Variants in C8orf34 observed in about 807,000 individuals in gnomAD.
C8orf34 encodes uncharacterized protein C8orf34.
Under a neutral mutation model 68.3 loss-of-function variants are expected in C8orf34, and 65 were observed. The observed-to-expected ratio is 0.95, with a 90% CI of 0.78 to 1.17. C8orf34 has a LOEUF of 1.17. Among genes scored for constraint, C8orf34 ranks in the 50% most tolerant of loss-of-function variants. The pLI, the probability that C8orf34 is intolerant of heterozygous loss-of-function variation, is 0.00. For missense variants in C8orf34, 664 were observed against 655.4 expected, an observed-to-expected ratio of 1.01 and a Z score of -0.14; for synonymous variants, 244 against 241.2, an observed-to-expected ratio of 1.01 and a Z score of -0.11.
chr8:68,424,639 A>G (rs1452268919), intron 1 of C8orf34, among the ~76,000 whole-genome samples: 1 of 152,144 alleles, frequency 6.6e-6, no homozygotes, highest in South Asian at 2.1e-4. Context: ...AAAAAGAGCC[A>G]CCTGTAATCC....
chr8:68,809,560 T>C (rs1824585341), intron 12 of C8orf34, among the ~76,000 whole-genome samples: 1 of 150,876 alleles, frequency 6.6e-6, no homozygotes, highest in Admixed American at 6.6e-5. Context: ...AGCCCAGGAG[T>C]TGGAGTCCAG....
chr8:68,582,779 A>G (rs1817103243), intron 7 of C8orf34, among the ~76,000 whole-genome samples: 2 of 152,158 alleles, frequency 1.3e-5, no homozygotes, highest in Admixed American at 6.6e-5. Flanking sequence ...AAAAACAAAC[A>G]GAAGTTGATT....
intron 1 of C8orf34, among the ~76,000 whole-genome samples, chr8:68,428,253 T>C (rs1024161596): frequency 6.6e-6 from 1 of 151,978 alleles, no homozygotes; most frequent in African/African-American, 2.4e-5. Flanking sequence ...TGATCCCAGA[T>C]GGATGGTTGG....
At chr8:68,362,011 A>T (rs1807022711) in intron 1 of C8orf34, among the ~76,000 whole-genome samples, 1 of 152,218 alleles carries the variant, frequency 6.6e-6, no homozygotes, top group Non-Finnish European at 1.5e-5. Context: ...AGCCAAACTG[A>T]TTTGGATTTT....
At chr8:68,772,701 C>T (rs1372689118) in intron 10 of C8orf34, among the ~76,000 whole-genome samples, 4 of 143,682 alleles carry the variant, frequency 2.8e-5, no homozygotes, top group Non-Finnish European at 4.6e-5. Context: ...CTCCCTCCCT[C>T]CCTCTCTTTC....
intron 7 of C8orf34, among the ~76,000 whole-genome samples, chr8:68,587,086 T>C (rs77143047): frequency 0.046 from 6,999 of 152,150 alleles, 534 homozygotes; most frequent in African/African-American, 0.16. Context: ...ACAGGAAAGC[T>C]TAGTGATTAA....
At chr8:68,560,525 C>T (rs1263515506) in intron 7 of C8orf34, among the ~76,000 whole-genome samples, 4 of 152,182 alleles carry the variant, frequency 2.6e-5, no homozygotes, top group East Asian at 1.9e-4. Flanking sequence ...TTTGTGTGAA[C>T]ATCATAGAGT....
At chr8:68,591,900 G>A (rs569646903) in intron 7 of C8orf34, among the ~76,000 whole-genome samples, 29 of 152,166 alleles carry the variant, frequency 1.9e-4, no homozygotes, top group African/African-American at 4.1e-4. Context: ...CATGAACTCC[G>A]CTGTCTTTCA....
chr8:68,739,456 A>G (rs1348073100), intron 10 of C8orf34, among the ~76,000 whole-genome samples: 4 of 152,056 alleles, frequency 2.6e-5, no homozygotes, highest in Non-Finnish European at 5.9e-5. Context: ...AAGTCAAGGC[A>G]AGAGCCCAAT....
At chr8:68,451,315 C>T (rs1234994550) in intron 3 of C8orf34, among the ~76,000 whole-genome samples, 5 of 152,088 alleles carry the variant, frequency 3.3e-5, no homozygotes, top group Non-Finnish European at 4.4e-5. Context: ...TCTTATCATT[C>T]GTGTGTTTAC....
chr8:68,364,631 G>T (rs1176851345), intron 1 of C8orf34, among the ~76,000 whole-genome samples: 3 of 108,814 alleles, frequency 2.8e-5, no homozygotes, highest in Non-Finnish European at 3.7e-5. Context: ...TGAACAACCT[G>T]CTCCTGAATG....
intron 1 of C8orf34, among the ~76,000 whole-genome samples, chr8:68,382,986 C>T (rs1808107892): frequency 6.6e-6 from 1 of 152,192 alleles, no homozygotes; most frequent in Admixed American, 6.5e-5. Context: ...GAAAGCTCCA[C>T]TCTCATGATC....
At chr8:68,521,291 A>G (rs2129672364) in intron 5 of C8orf34, among the ~76,000 whole-genome samples, 1 of 152,326 alleles carries the variant, frequency 6.6e-6, no homozygotes, top group East Asian at 1.9e-4. Flanking sequence ...TTAGCATAAC[A>G]TATCTGCCAT....
chr8:68,685,101 A>G (rs543905449), intron 8 of C8orf34, among the ~76,000 whole-genome samples: 100 of 152,174 alleles, frequency 6.6e-4, no homozygotes, highest in African/African-American at 2.3e-3. Flanking sequence ...CTTTCATACT[A>G]AGGTATGTTT....
intron 3 of C8orf34, among the ~76,000 whole-genome samples, chr8:68,456,123 G>T (rs1006961552): frequency 3.3e-5 from 5 of 151,566 alleles, no homozygotes; most frequent in African/African-American, 1.2e-4. Flanking sequence ...GGGCGTGGTG[G>T]TGGGTGCCTG....
intron 1 of C8orf34, among the ~76,000 whole-genome samples, chr8:68,419,981 T>TAAAAAAA (rs201937815): frequency 1.4e-5 from 1 of 68,966 alleles, no homozygotes; most frequent in African/African-American, 5.2e-5. Flanking sequence ...AGTATAATAA[T>TAAAAAAA]AAAAAAAAAA....
At chr8:68,725,132 G>C (rs1821792386) in intron 10 of C8orf34, among the ~76,000 whole-genome samples, 1 of 152,122 alleles carries the variant, frequency 6.6e-6, no homozygotes, top group African/African-American at 2.4e-5. Flanking sequence ...CACCTAAAAT[G>C]CTGGGATTAC....
intron 8 of C8orf34, among the ~76,000 whole-genome samples, chr8:68,673,216 G>C (rs1289101336): frequency 1.3e-5 from 2 of 152,136 alleles, no homozygotes; most frequent in Non-Finnish European, 2.9e-5. Context: ...GGTGCTATGG[G>C]AGGGACTTCT....
intron 7 of C8orf34, among the ~76,000 whole-genome samples, chr8:68,582,725 AC>A (rs1464631259): frequency 1.3e-5 from 2 of 151,848 alleles, no homozygotes; most frequent in African/African-American, 4.8e-5. Context: ...ACATTTCTAA[AC>A]TCTCTGCTGG....
Sources: allele counts gnomAD v4.1 joint callset (sites outside exome capture counted in the v4.1 genomes callset), GRCh38; gene constraint gnomAD v4.1.1; transcripts MANE v1.5; gene names NCBI Gene and HGNC (gene_info 2026-07-23, HGNC 2026-07-21).